The following SUV39H1 variants were observed in gnomAD, a reference collection of about 807,000 sequenced individuals.
SUV39H1 encodes histone-lysine N-methyltransferase SUV39H1.
For missense variants in SUV39H1, 180 were observed against 386.3 expected (o/e 0.47, Z 4.48); for synonymous variants, 141 against 150.5 (o/e 0.94, Z 0.46).
chrX:48,706,681 G>A, intron 5 of SUV39H1, 54 bp downstream of exon 5: 2 of 1,147,349 alleles, frequency 1.7e-6, no homozygotes, highest in Non-Finnish European at 2.3e-6. Context: ...GGGACACAAG[G>A]ACCCCTCCCA....
upstream of SUV39H1, among the ~76,000 whole-genome samples, chrX:48,696,228 T>TCTGC (rs1557008526): frequency 8.9e-6 from 1 of 112,422 alleles, no homozygotes; most frequent in Admixed American, 9.3e-5. Context: ...AACAGTGCTG[T>TCTGC]CTGCCTGCCT....
chrX:48,697,040 G>A (rs1174754705), intron 1 of SUV39H1, among the ~76,000 whole-genome samples: 14 of 109,755 alleles, frequency 1.3e-4, no homozygotes, highest in Admixed American at 1.1e-3. Flanking sequence ...GGACGCAGGA[G>A]GGGGGCGCGC....
intron 3 of SUV39H1, among the ~76,000 whole-genome samples, chrX:48,703,633 G>A (rs1557009690): frequency 2.7e-5 from 3 of 112,138 alleles, no homozygotes; most frequent in African/African-American, 9.7e-5. Flanking sequence ...ATTAAATCAT[G>A]GTGTATCATT....
rs1377480980 is a variant in SUV39H1 at position 48,708,135 on chromosome X, G to A, written c.*565G>A. 3 of 182,131 alleles carry A rather than the reference G, an allele frequency of 1.6e-5. No homozygotes were observed. The highest frequency in any genetic ancestry group is 3.1e-5 in the Non-Finnish European group (3 of 98,071). The allele number at this position is 182,131 out of a possible 1,213,427, so 15.0% of individuals were successfully genotyped here. ...TTTCTGCTCGTGCTTACAGTGCTGGGTAGTGTTGGCCCTAAGAGCTGTAGG... is the reference window on the plus strand; with the variant it reads ...TTTCTGCTCGTGCTTACAGTGCTGGATAGTGTTGGCCCTAAGAGCTGTAGG... On this transcript the variant is annotated 3_prime_UTR_variant, in exon 6 of 6. Transcript: ENST00000376687.
chrX:48,697,783 A>C (rs1183452197), intron 1 of SUV39H1, among the ~76,000 whole-genome samples: 1 of 112,451 alleles, frequency 8.9e-6, no homozygotes, highest in Non-Finnish European at 1.9e-5. Context: ...ATGTTTTGAG[A>C]CATGATTTGA....
chrX:48,706,411 T>C lies in SUV39H1; in HGVS notation c.975T>C (p.Ser325=). Residue 325 remains serine (S), a splice_region_variant and synonymous_variant, in exon 4 of 6, where the codon AGT becomes AGC. Coordinates refer to ENST00000376687, the MANE Select transcript of SUV39H1 (RefSeq NM_003173.4). ...YGNISHFVNH[S]CDPNLQVYNV... ...ACATCTCCCACTTTGTCAACCACAGTGTGGGTACCCCCGGCAGGCGGGCAA... is the reference window on the plus strand; with the variant it reads ...ACATCTCCCACTTTGTCAACCACAGCGTGGGTACCCCCGGCAGGCGGGCAA... 8.3e-7 allele frequency: 1 copy of C among 1,209,058 alleles called. No individual in the cohort carries two copies.
chrX:48,697,498 T>C (rs1393998425), intron 1 of SUV39H1, among the ~76,000 whole-genome samples: 8 of 110,752 alleles, frequency 7.2e-5, no homozygotes, highest in Admixed American at 5.7e-4. Context: ...AGGGTGTTAA[T>C]TGGGACCACT....
chrX:48,700,038 C>G, intron 2 of SUV39H1, 53 bp from the exon 3 acceptor site: 1 of 1,066,925 alleles, frequency 9.4e-7, no homozygotes, highest in Non-Finnish European at 1.3e-6. Context: ...TGAAGGCTGG[C>G]CCAAAGATCT....
At chrX:48,697,342 T>TG (rs1333429194) in intron 1 of SUV39H1, among the ~76,000 whole-genome samples, 1 of 111,472 alleles carries the variant, frequency 9.0e-6, no homozygotes, top group Non-Finnish European at 1.9e-5. Context: ...GACTCCCCCA[T>TG]GTGCAGGGAA....
chrX:48,697,782 G>A lies in SUV39H1; in HGVS notation c.19+979G>A, dbSNP rs138583860. On this transcript the variant is annotated intron_variant, in intron 1 of 5. Transcript: ENST00000376687. ...ACTGACTGCCCTTGGAATGTTTTGA[G>A]ACATGATTTGATAAAATGGCTTCTA... Among the ~76,000 whole-genome samples, 14 of 112,440 alleles carry A rather than the reference G, an allele frequency of 1.2e-4. No individual in the cohort carries two copies. The East Asian group carries it at 3.9e-3, about 31-fold the overall frequency.
At chrX:48,704,830 C>T (rs1316589051) in intron 3 of SUV39H1, among the ~76,000 whole-genome samples, 2 of 111,461 alleles carry the variant, frequency 1.8e-5, no homozygotes, top group Non-Finnish European at 3.8e-5. Context: ...ATCCCCTACC[C>T]ACCTGTGACC....
At chrX:48,696,908 G>T in intron 1 of SUV39H1, 105 bp downstream of exon 1, 2 of 594,228 alleles carry the variant, frequency 3.4e-6, no homozygotes, top group Non-Finnish European at 4.5e-6. Context: ...CCGGCGCCGG[G>T]AGCCGGAAGC....
upstream of SUV39H1, among the ~76,000 whole-genome samples, chrX:48,696,228 T>C (rs1479264025): frequency 3.6e-5 from 4 of 112,367 alleles, no homozygotes; most frequent in South Asian, 7.3e-4. Flanking sequence ...AACAGTGCTG[T>C]CTGCCTGCCT....
intron 1 of SUV39H1, among the ~76,000 whole-genome samples, chrX:48,697,312 C>CT (rs1240098459): frequency 1.8e-5 from 2 of 111,633 alleles, no homozygotes; most frequent in Non-Finnish European, 3.8e-5. Context: ...AGAAATGGGG[C>CT]CTTCCTAATA....
At chrX:48,703,926 A>G (rs1165286863) in intron 3 of SUV39H1, among the ~76,000 whole-genome samples, 1 of 111,166 alleles carries the variant, frequency 9.0e-6, no homozygotes, top group Non-Finnish European at 1.9e-5. Context: ...GGATAAAAAA[A>G]TAAAGGCCCA....
At position 48,708,067 on chromosome X, in the gene SUV39H1, C is replaced by T. The variant is rs781972632; in HGVS notation, c.*497C>T. ...GTTCCCCAACCACAGAAACTTTGTA[C>T]TAGTGAAAGAAAGGGGGTCCCTGGG... On this transcript the variant is annotated 3_prime_UTR_variant, in exon 6 of 6. Coordinates refer to ENST00000376687, the MANE Select transcript of SUV39H1 (RefSeq NM_003173.4). 203 of 221,727 alleles carry T rather than the reference C, an allele frequency of 9.2e-4. 2 individuals carry two copies. The highest frequency in any genetic ancestry group is 1.6e-3 in the Middle Eastern group (1 of 610). The allele number at this position is 221,727 out of a possible 1,213,427, so 18.3% of individuals were successfully genotyped here.
At position 48,708,126 on chromosome X, in the gene SUV39H1, C is replaced by T. The variant is rs1333111516; in HGVS notation, c.*556C>T. The T allele has an allele frequency of 4.7e-6, 1 of 211,128 alleles. No individual in the cohort carries two copies. Among genetic ancestry groups the T allele is most frequent in the African/African-American group, 3.0e-5 (1 of 33,803 alleles). The allele number at this position is 211,128 out of a possible 1,213,427, so 17.4% of individuals were successfully genotyped here. Reference sequence around the variant, plus strand: ...TGAGGCTGGTTTCTGCTCGTGCTTACAGTGCTGGGTAGTGTTGGCCCTAAG... The same window carrying T: ...TGAGGCTGGTTTCTGCTCGTGCTTATAGTGCTGGGTAGTGTTGGCCCTAAG... On this transcript the variant is annotated 3_prime_UTR_variant, in exon 6 of 6. Coordinates refer to ENST00000376687, the MANE Select transcript of SUV39H1 (RefSeq NM_003173.4).
rs1251147743 is a variant in SUV39H1, at chrX:48,708,118, C to G, written c.*548C>G. 5 of 213,946 alleles carry G rather than the reference C, an allele frequency of 2.3e-5. No individual in the cohort carries two copies. In the South Asian group the frequency reaches 3.0e-4, roughly 13 times the overall value. The allele number at this position is 213,946 out of a possible 1,213,427, so 17.6% of individuals were successfully genotyped here. A position where few individuals can be genotyped will look rare whatever the true frequency, so the allele number is the denominator to read the frequency against. On this transcript the variant is annotated 3_prime_UTR_variant, in exon 6 of 6. Coordinates refer to ENST00000376687, the MANE Select transcript of SUV39H1 (RefSeq NM_003173.4). ...CTACGGGCTGAGGCTGGTTTCTGCT[C>G]GTGCTTACAGTGCTGGGTAGTGTTG... is the stretch of plus-strand genomic sequence containing the variant.
intron 1 of SUV39H1, among the ~76,000 whole-genome samples, chrX:48,697,617 TA>T (rs1197244217): frequency 4.5e-5 from 5 of 111,269 alleles, no homozygotes; most frequent in African/African-American, 1.3e-4. Context: ...CTTGCCTAAG[TA>T]GGGGGGGTAG....
Sources: allele counts gnomAD v4.1 joint callset (sites outside exome capture counted in the v4.1 genomes callset), GRCh38; gene constraint gnomAD v4.1.1; transcripts MANE v1.5; gene names NCBI Gene and HGNC (gene_info 2026-07-23, HGNC 2026-07-21).